The following ZAP70 variants were observed in gnomAD, a reference collection of about 807,000 sequenced individuals.
ZAP70 encodes tyrosine-protein kinase ZAP-70.
A neutral mutation model predicts 65.8 loss-of-function variants in ZAP70; 27 were observed. The ratio of observed to expected loss-of-function variants is 0.41; its 90% CI spans 0.30 to 0.57. The LOEUF is 0.57. ZAP70 is among the 20% of genes least tolerant of loss of function. ZAP70 has a pLI of 0.28. For synonymous variants in ZAP70, 363 were observed against 360.8 expected (o/e 1.01, Z -0.07); for missense variants, 696 against 870.5 (o/e 0.80, Z 2.52).
At chr2:97,740,184 C>A (rs1332461314), downstream of ZAP70, among the ~76,000 whole-genome samples, 1 of 152,162 alleles carries the variant, frequency 6.6e-6, no homozygotes, top group African/African-American at 2.4e-5. Flanking sequence ...CGCTAACCCC[C>A]CCTCCCCCAT....
chr2:97,720,216 TTTTTGTTTTG>T (rs570370321), intron 2 of ZAP70, among the ~76,000 whole-genome samples: 2 of 152,004 alleles, frequency 1.3e-5, no homozygotes, highest in African/African-American at 2.4e-5. Context: ...TTCATGGGTT[TTTTTGTTTTG>T]TTTTGTTTTG....
intron 2 of ZAP70, among the ~76,000 whole-genome samples, chr2:97,722,316 A>G (rs1284725643): frequency 2.0e-5 from 3 of 146,800 alleles, no homozygotes; most frequent in African/African-American, 7.6e-5. Context: ...TGCTGGTCTC[A>G]AGTGATCCAC....
chr2:97,751,743 T>G, the ZAP70 span, among the ~76,000 whole-genome samples: 1 of 152,314 alleles, frequency 6.6e-6, no homozygotes. Flanking sequence ...CTGAGGGCCT[T>G]GGGCTGGGTG....
chr2:97,745,783 A>G, the ZAP70 span, among the ~76,000 whole-genome samples: 7 of 152,348 alleles, frequency 4.6e-5, no homozygotes, highest in East Asian at 1.3e-3. Context: ...TGGGCTGACC[A>G]TCGACCCGGC....
At chr2:97,755,056 T>C in the ZAP70 span, among the ~76,000 whole-genome samples, 1 of 152,352 alleles carries the variant, frequency 6.6e-6, no homozygotes, top group African/African-American at 2.4e-5. Flanking sequence ...GGGATAGTTT[T>C]GATTTCATGA....
At position 97,714,364 on chromosome 2, in the gene ZAP70, G is replaced by A. The variant is rs535947780; in HGVS notation, c.-22+370G>A. Among the ~76,000 whole-genome samples, 167 of 152,364 alleles carry A rather than the reference G, an allele frequency of 1.1e-3. 1 individual carries two copies. The highest frequency in any genetic ancestry group is 3.8e-3 in the African/African-American group (160 of 41,590). ...GATGAGGGGGCTGCTCACCAGGGCC[G>A]TGAGCTCCATCAGCAGAATGCTGTG... On this transcript the variant is annotated intron_variant, in intron 2 of 13. Transcript: ENST00000264972.
chr2:97,755,890 G>A, the ZAP70 span, among the ~76,000 whole-genome samples: 1 of 152,230 alleles, frequency 6.6e-6, no homozygotes, highest in African/African-American at 2.4e-5. Context: ...GTGACCAGAA[G>A]GAAGGCAGCA....
intron 13 of ZAP70, among the ~76,000 whole-genome samples, chr2:97,738,996 C>T (rs1016874993): frequency 6.6e-6 from 1 of 152,154 alleles, no homozygotes; most frequent in African/African-American, 2.4e-5. Context: ...CATCTAAGCC[C>T]CAGCACACTG....
chr2:97,733,274 C>A (rs1171420955), intron 6 of ZAP70, 23 bp from the exon 7 acceptor site: 2 of 1,608,688 alleles, frequency 1.2e-6, no homozygotes, highest in Admixed American at 3.3e-5. Flanking sequence ...CCCCAGCCCT[C>A]ACTGTCCCTT....
downstream of ZAP70, among the ~76,000 whole-genome samples, chr2:97,741,576 G>T (rs1257152118): frequency 6.6e-6 from 1 of 152,184 alleles, no homozygotes; most frequent in Non-Finnish European, 1.5e-5. Flanking sequence ...AAAGCTCCCC[G>T]CCCAGGCTCC....
chr2:97,747,819 T>G, the ZAP70 span, among the ~76,000 whole-genome samples: 1 of 118,486 alleles, frequency 8.4e-6, no homozygotes, highest in African/African-American at 3.4e-5. Context: ...CACGAGGTTT[T>G]TTTTTTTTTT....
Position 97,735,415 on chromosome 2 carries a change from G to A in ZAP70, c.1248G>A (p.Met416Ile). The change falls in exon 10 of 14, where the codon ATG becomes ATA. Residue 416 changes from methionine to isoleucine, a missense_variant. Physicochemically the swap from Met to Ile is conservative, Grantham distance 10. Coordinates refer to ENST00000264972, the MANE Select transcript of ZAP70 (RefSeq NM_001079.4). The part of the protein sequence containing the change: ...QAEALMLVME[M>I]AGGGPLHKFL... ...AGGCCCTCATGCTGGTCATGGAGAT[G>A]GCTGGGGGCGGGCCGCTGCACAAGT... is the stretch of plus-strand genomic sequence containing the variant. The A allele has an allele frequency of 6.2e-7, 1 of 1,613,854 alleles. No homozygotes were observed. The highest frequency in any genetic ancestry group is 1.7e-5 in the Admixed American group (1 of 60,024).
At chr2:97,738,734 C>G (rs1678016025) in intron 13 of ZAP70, among the ~76,000 whole-genome samples, 1 of 152,038 alleles carries the variant, frequency 6.6e-6, no homozygotes, top group Non-Finnish European at 1.5e-5. Context: ...TGCTGACACC[C>G]CAACACCCAA....
chr2:97,733,878 G>T, intron 8 of ZAP70: 1 of 558,790 alleles, frequency 1.8e-6, no homozygotes, highest in Non-Finnish European at 3.2e-6. Context: ...CACGTTCCGA[G>T]GTCACTGTGT....
In ZAP70 at chr2:97,725,254, T is replaced by C. The variant is rs1328568761; in HGVS notation, c.563+2T>C. 1 of 1,612,246 alleles carries C rather than the reference T, an allele frequency of 6.2e-7. No individual in the cohort carries two copies. Among genetic ancestry groups the C allele is most frequent in the Non-Finnish European group, 8.5e-7 (1 of 1,178,554 alleles). The stretch of plus-strand genomic sequence containing the variant: ...GGCGCAGACCGACGGCAAGTTCCTG[T>C]ATGTGGGGCCCGGGATTTGGGTGCG... On this transcript the variant is annotated splice_donor_variant, in intron 4 of 13. Transcript: ENST00000264972. LOFTEE classifies it high-confidence loss of function.
intron 9 of ZAP70, chr2:97,734,913 G>C (rs554173328): frequency 1.4e-5 from 11 of 765,296 alleles, no homozygotes; most frequent in Non-Finnish European, 1.9e-5. Context: ...GGCCTGGGCA[G>C]GGGGAGGCTG....
the ZAP70 span, among the ~76,000 whole-genome samples, chr2:97,753,913 T>C: frequency 2.0e-5 from 3 of 152,234 alleles, no homozygotes; most frequent in African/African-American, 7.2e-5. Flanking sequence ...TGCTTGGGCC[T>C]GGAAGTTCAG....
intron 3 of ZAP70, 37 bp from the exon 4 acceptor site, chr2:97,725,055 G>A (rs774459308): frequency 6.2e-7 from 1 of 1,612,138 alleles, no homozygotes; most frequent in Admixed American, 1.7e-5. Flanking sequence ...CGAGCACTTG[G>A]CCACACCTAC....
the ZAP70 span, among the ~76,000 whole-genome samples, chr2:97,754,393 C>G: frequency 6.6e-6 from 1 of 151,992 alleles, no homozygotes; most frequent in Non-Finnish European, 1.5e-5. Flanking sequence ...TCTGCCAATA[C>G]AGTTTTTTTC....
Sources: gnomAD v4.1 joint callset for allele counts (sites outside exome capture counted in the v4.1 genomes callset) on GRCh38, gnomAD v4.1.1 for gene constraint, MANE v1.5 for transcripts, NCBI Gene and HGNC (gene_info 2026-07-23, HGNC 2026-07-21) for gene names.